The following DNAH12 variants were observed in gnomAD, a reference collection of about 807,000 sequenced individuals.
The protein encoded by DNAH12 is dynein axonemal heavy chain 12.
A neutral mutation model predicts 371.5 loss-of-function variants in DNAH12; 285 were observed. The ratio of observed to expected loss-of-function variants is 0.77; its 90% CI spans 0.70 to 0.85. The LOEUF (loss-of-function observed/expected upper bound fraction) is 0.85. Ranked by LOEUF, DNAH12 falls within the 40% of genes least tolerant of loss-of-function variation. DNAH12 has a pLI of 0.00. For missense variants in DNAH12, 3,611 were observed against 3,689.4 expected, an observed-to-expected ratio of 0.98 and a Z score of 0.55; for synonymous variants, 1,200 against 1,213.0, an observed-to-expected ratio of 0.99 and a Z score of 0.22.
intron 45 of DNAH12, among the ~76,000 whole-genome samples, chr3:57,388,267 T>A (rs1478340175): frequency 6.6e-6 from 1 of 152,214 alleles, no homozygotes; most frequent in Non-Finnish European, 1.5e-5. Flanking sequence ...GCACTCTTTA[T>A]AAAACAGCAT....
intron 62 of DNAH12, 94 bp from the exon 63 acceptor site, chr3:57,323,713 G>T: frequency 7.7e-7 from 1 of 1,300,500 alleles, no homozygotes; most frequent in Non-Finnish European, 1.0e-6. Context: ...TACAATTTGA[G>T]CCTAATGGTC....
chr3:57,410,635 T>C (rs1259908137), intron 39 of DNAH12, among the ~76,000 whole-genome samples: 7 of 151,766 alleles, frequency 4.6e-5, no homozygotes, highest in African/African-American at 1.7e-4. Flanking sequence ...CTGGCCAACA[T>C]GGCAAAACCG....
chr3:57,427,138 A>ATGTGTGTGTGTGTG (rs71088070), intron 34 of DNAH12, among the ~76,000 whole-genome samples: 9,332 of 138,716 alleles, frequency 0.067, 404 homozygotes, highest in Non-Finnish European at 0.078. Flanking sequence ...TAAGAAGCGA[A>ATGTGTGTGTGTGTG]TGTGTGTGTG....
At chr3:57,314,737 G>T in intron 65 of DNAH12, 106 bp from the exon 66 acceptor site, 1 of 1,197,076 alleles carries the variant, frequency 8.4e-7, no homozygotes, top group Non-Finnish European at 1.1e-6. Context: ...CTGTGATCAC[G>T]TATCTCTACA....
intron 70 of DNAH12, among the ~76,000 whole-genome samples, chr3:57,300,995 CA>C (rs2061332295): frequency 6.6e-6 from 1 of 152,004 alleles, no homozygotes; most frequent in African/African-American, 2.4e-5. Flanking sequence ...GATTTAAAGA[CA>C]ATGGCCAATT....
intron 52 of DNAH12, among the ~76,000 whole-genome samples, chr3:57,377,563 A>G (rs1359696026): frequency 6.6e-6 from 1 of 152,146 alleles, no homozygotes. Flanking sequence ...AACATGAAAT[A>G]ATAAGTGTTT....
intron 2 of DNAH12, among the ~76,000 whole-genome samples, chr3:57,527,989 T>C (rs1471457108): frequency 3.3e-5 from 5 of 151,480 alleles, no homozygotes; most frequent in African/African-American, 9.7e-5. Flanking sequence ...CAGTGTTTTC[T>C]TGTAGTAGTT....
chr3:57,554,300 TA>T, the DNAH12 span, among the ~76,000 whole-genome samples: 28 of 90,440 alleles, frequency 3.1e-4, 5 homozygotes, highest in African/African-American at 2.4e-3. Context: ...AATAAAAAAA[TA>T]AAAAAATAAT....
intron 4 of DNAH12, among the ~76,000 whole-genome samples, chr3:57,521,856 C>T (rs1448247049): frequency 1.3e-5 from 2 of 150,698 alleles, no homozygotes; most frequent in Admixed American, 1.3e-4. Flanking sequence ...CACTGCACGC[C>T]AGCCTAGCTG....
intron 49 of DNAH12, among the ~76,000 whole-genome samples, 170 bp from the exon 50 acceptor site, chr3:57,382,563 G>C (rs1180552148): frequency 4.0e-5 from 6 of 149,740 alleles, no homozygotes; most frequent in African/African-American, 1.5e-4. Flanking sequence ...ATTAACAAAA[G>C]AGAATTCAGC....
chr3:57,454,059 T>C (rs1480607452), intron 23 of DNAH12, among the ~76,000 whole-genome samples: 1 of 152,144 alleles, frequency 6.6e-6, no homozygotes, highest in African/African-American at 2.4e-5. Context: ...TACTGAGCTA[T>C]GACTACGCCA....
chr3:57,478,783 G>T (rs2066628596), intron 13 of DNAH12, among the ~76,000 whole-genome samples: 1 of 152,184 alleles, frequency 6.6e-6, no homozygotes, highest in Non-Finnish European at 1.5e-5. Flanking sequence ...CATTCTTACA[G>T]AAAAGAATTT....
chr3:57,446,121 C>T lies in DNAH12; in HGVS notation c.4089G>A (p.Gly1363=). 1 of 1,551,652 alleles carries T rather than the reference C, an allele frequency of 6.4e-7. No homozygotes were observed. Among genetic ancestry groups the T allele is most frequent in the South Asian group, 1.2e-5 (1 of 84,054 alleles). Residue 1363 remains glycine, a synonymous_variant, in exon 27 of 74, where the codon GGG becomes GGA. Transcript: ENST00000495027. The stretch of plus-strand genomic sequence containing the variant: ...AATTCGGATTGAGCTTAAGTTCTGT[C>T]CCTTCAAAAACAAACACAACCAACT... ...QQKLVVFVFE[G]TELKLNPNCF...
chr3:57,459,832 G>C (rs2066004998), intron 19 of DNAH12, 46 bp from the exon 20 acceptor site: 1 of 1,268,452 alleles, frequency 7.9e-7, no homozygotes, highest in Non-Finnish European at 1.0e-6. Context: ...TTAAAGAAAG[G>C]CTATAAATTA....
At chr3:57,388,011 A>G (rs1303426191) in intron 45 of DNAH12, among the ~76,000 whole-genome samples, 6 of 152,054 alleles carry the variant, frequency 3.9e-5, no homozygotes, top group Non-Finnish European at 8.8e-5. Flanking sequence ...GACGATCACA[A>G]TTTCTACTAT....
In DNAH12 at chr3:57,433,835, A is replaced by C. The variant is rs2065027469; in HGVS notation, c.4656-7T>G. 2 of 1,516,312 alleles carry C rather than the reference A, an allele frequency of 1.3e-6. No individual in the cohort carries two copies. Among genetic ancestry groups the C allele is most frequent in the Non-Finnish European group, 1.8e-6 (2 of 1,136,244 alleles). 93.9% of individuals were successfully genotyped at this position (1,516,312 alleles called of 1,614,324 possible). On this transcript the variant is annotated splice_region_variant and splice_polypyrimidine_tract_variant and intron_variant, in intron 30 of 73. Coordinates refer to ENST00000495027, the MANE Select transcript of DNAH12 (RefSeq NM_001366028.2). The stretch of plus-strand genomic sequence containing the variant: ...CTCTCCTACTAACATAAAACTATGA[A>C]GGAAAAGAAATAATTATACAATAAG...
At chr3:57,543,038 A>G (rs1275091493) in intron 1 of DNAH12, 135 bp from the exon 2 acceptor site, 2 of 592,982 alleles carry the variant, frequency 3.4e-6, no homozygotes, top group Non-Finnish European at 5.1e-6. Flanking sequence ...GTATTAGTCT[A>G]AAGAATGACA....
chr3:57,443,774 G>T (rs1199515559), intron 29 of DNAH12, among the ~76,000 whole-genome samples: 2 of 151,502 alleles, frequency 1.3e-5, no homozygotes, highest in African/African-American at 4.9e-5. Flanking sequence ...TTACCTATAG[G>T]ATGTTTTACT....
chr3:57,330,876 C>T (rs2062079831), intron 62 of DNAH12, among the ~76,000 whole-genome samples: 1 of 152,142 alleles, frequency 6.6e-6, no homozygotes, highest in African/African-American at 2.4e-5. Context: ...ATCACACCAG[C>T]CAATTCCTTT....
Sources: gnomAD v4.1 joint callset for allele counts (sites outside exome capture counted in the v4.1 genomes callset) on GRCh38, gnomAD v4.1.1 for gene constraint, MANE v1.5 for transcripts, NCBI Gene and HGNC (gene_info 2026-07-23, HGNC 2026-07-21) for gene names.